DLG2: variants seen among roughly 807,000 people sequenced by gnomAD.
The protein encoded by DLG2 is disks large homolog 2.
In DLG2, 45 loss-of-function variants were observed where a neutral mutation model predicts 132.5. That is an observed-to-expected ratio of 0.34 (90% CI 0.27 to 0.44). The LOEUF (loss-of-function observed/expected upper bound fraction) is 0.44. Ranked by LOEUF, DLG2 falls within the 20% of genes least tolerant of loss-of-function variation. The probability of loss-of-function intolerance (pLI) is 1.00; values close to 1 mark genes in which losing one functional copy is unlikely to be tolerated. For synonymous variants in DLG2, 424 were observed against 419.6 expected, an observed-to-expected ratio of 1.01 and a Z score of -0.13; for missense variants, 1,045 against 1,196.9, an observed-to-expected ratio of 0.87 and a Z score of 1.87.
intron 6 of DLG2, among the ~76,000 whole-genome samples, chr11:84,733,515 T>A (rs2063432513): frequency 6.6e-6 from 1 of 152,224 alleles, no homozygotes; most frequent in African/African-American, 2.4e-5. Context: ...TTGTTTCATT[T>A]CTTTGTAGAT....
At chr11:84,217,412 C>A (rs1369077359) in intron 8 of DLG2, among the ~76,000 whole-genome samples, 4 of 152,156 alleles carry the variant, frequency 2.6e-5, no homozygotes, top group Non-Finnish European at 5.9e-5. Flanking sequence ...CATAAAGTCT[C>A]TTCTCTTGTC....
chr11:84,671,357 C>A (rs1301599082), intron 6 of DLG2, among the ~76,000 whole-genome samples: 2 of 152,134 alleles, frequency 1.3e-5, no homozygotes, highest in South Asian at 2.1e-4. Flanking sequence ...CTCATCTAGG[C>A]CTACCAAAGT....
At chr11:85,625,054 T>C (rs2081960595) in intron 2 of DLG2, 1 of 152,190 alleles carries the variant, frequency 6.6e-6, no homozygotes, top group African/African-American at 2.4e-5. Flanking sequence ...ACCTGCTTAG[T>C]TAAGTTATAC....
At chr11:83,948,107 C>T (rs2084516801) in intron 14 of DLG2, among the ~76,000 whole-genome samples, 2 of 152,168 alleles carry the variant, frequency 1.3e-5, no homozygotes, top group East Asian at 1.9e-4. Context: ...TCAGCTATTT[C>T]GTTTTGCCTT....
Position 83,459,735 on chromosome 11 carries a change from C to A in DLG2, c.*83G>T. On this transcript the variant is annotated 3_prime_UTR_variant, in exon 28 of 28. Transcript: ENST00000376104. ...TGCAAAAACATAAATGCAACAAAAACATAAAAGCCTCCAAGTAGTATGTTA... is the reference window on the plus strand; with the variant it reads ...TGCAAAAACATAAATGCAACAAAAAAATAAAAGCCTCCAAGTAGTATGTTA... 1 of 734,882 alleles carries A rather than the reference C, an allele frequency of 1.4e-6. No homozygotes were observed. The highest frequency in any genetic ancestry group is 2.4e-6 in the Non-Finnish European group (1 of 421,142). The allele number at this position is 734,882 out of a possible 1,614,324, so 45.5% of individuals were successfully genotyped here.
chr11:84,230,036 T>A (rs1367534746), intron 8 of DLG2, among the ~76,000 whole-genome samples: 2 of 152,190 alleles, frequency 1.3e-5, no homozygotes, highest in African/African-American at 2.4e-5. Context: ...ATGTCAAGAA[T>A]CACATAAATC....
intron 4 of DLG2, among the ~76,000 whole-genome samples, chr11:85,220,534 C>T (rs530562235): frequency 3.0e-4 from 45 of 151,848 alleles, no homozygotes; most frequent in African/African-American, 1.1e-3. Context: ...CCTCTCTCCA[C>T]TACCAACTAA....
intron 8 of DLG2, among the ~76,000 whole-genome samples, chr11:84,184,161 A>C (rs2096219984): frequency 1.3e-5 from 2 of 152,220 alleles, no homozygotes; most frequent in Non-Finnish European, 2.9e-5. Context: ...ACTGACTTCC[A>C]CAAGGGTTGA....
intron 7 of DLG2, among the ~76,000 whole-genome samples, chr11:84,297,194 G>C (rs912835144): frequency 6.6e-6 from 1 of 150,672 alleles, no homozygotes; most frequent in Admixed American, 6.6e-5. Flanking sequence ...AAGAAAAATT[G>C]AATCAATCAG....
chr11:85,207,045 T>C (rs767542870), intron 4 of DLG2, among the ~76,000 whole-genome samples: 7 of 152,176 alleles, frequency 4.6e-5, no homozygotes, highest in Non-Finnish European at 7.4e-5. Context: ...CATTTCACTG[T>C]TGAGACAACT....
chr11:85,557,809 G>A (rs2077018091), intron 3 of DLG2, among the ~76,000 whole-genome samples: 1 of 151,828 alleles, frequency 6.6e-6, no homozygotes, highest in Non-Finnish European at 1.5e-5. Context: ...ATTAACTAAA[G>A]ATGAATTAAA....
At chr11:84,474,668 T>C (rs1411711703) in intron 7 of DLG2, among the ~76,000 whole-genome samples, 1 of 152,074 alleles carries the variant, frequency 6.6e-6, no homozygotes, top group East Asian at 1.9e-4. Context: ...AATACAAATA[T>C]GGGTTTTCTC....
At chr11:84,091,319 T>C (rs949981363) in intron 10 of DLG2, among the ~76,000 whole-genome samples, 1 of 152,176 alleles carries the variant, frequency 6.6e-6, no homozygotes, top group African/African-American at 2.4e-5. Context: ...TCTGGCTGTC[T>C]CCCTCACTCC....
intron 21 of DLG2, among the ~76,000 whole-genome samples, chr11:83,526,616 C>A (rs918619735): frequency 6.6e-6 from 1 of 152,252 alleles, no homozygotes; most frequent in East Asian, 1.9e-4. Context: ...TTGGTCACAA[C>A]CCTTAAAATT....
chr11:85,268,782 A>T (rs1003863408), intron 4 of DLG2, among the ~76,000 whole-genome samples: 3 of 152,220 alleles, frequency 2.0e-5, no homozygotes, highest in Non-Finnish European at 2.9e-5. Flanking sequence ...GCCTCTCAAA[A>T]AGCTCTCTGT....
intron 6 of DLG2, among the ~76,000 whole-genome samples, chr11:84,954,551 C>T (rs1418382757): frequency 6.6e-6 from 1 of 152,120 alleles, no homozygotes; most frequent in East Asian, 1.9e-4. Context: ...AATGGATAGG[C>T]TTTATTGAGC....
At chr11:83,783,865 C>T (rs904485296) in intron 18 of DLG2, among the ~76,000 whole-genome samples, 1 of 152,092 alleles carries the variant, frequency 6.6e-6, no homozygotes, top group Non-Finnish European at 1.5e-5. Flanking sequence ...CCTAGAAATA[C>T]TGCTGCTAAG....
At chr11:83,653,902 T>C (rs995058043) in intron 18 of DLG2, among the ~76,000 whole-genome samples, 3 of 151,996 alleles carry the variant, frequency 2.0e-5, no homozygotes, top group Non-Finnish European at 4.4e-5. Flanking sequence ...TTTTTTTTAG[T>C]AGAGATGGGG....
At chr11:84,828,906 A>G (rs2078671426) in intron 6 of DLG2, among the ~76,000 whole-genome samples, 1 of 151,714 alleles carries the variant, frequency 6.6e-6, no homozygotes, top group African/African-American at 2.4e-5. Context: ...CCTATGTACT[A>G]ATGCTGCCAA....
Sources: allele counts gnomAD v4.1 joint callset (sites outside exome capture counted in the v4.1 genomes callset), GRCh38; gene constraint gnomAD v4.1.1; transcripts MANE v1.5; gene names NCBI Gene and HGNC (gene_info 2026-07-23, HGNC 2026-07-21).